The following CACNA2D3 variants were observed in gnomAD, a reference collection of about 807,000 sequenced individuals.
CACNA2D3 encodes the protein voltage-dependent calcium channel subunit alpha-2/delta-3.
A neutral mutation model predicts 160.6 loss-of-function variants in CACNA2D3; 60 were observed. The observed-to-expected ratio is 0.37, with a 90% CI of 0.30 to 0.46. The LOEUF is 0.46. CACNA2D3 is among the 20% of genes least tolerant of loss of function. CACNA2D3 has a pLI of 1.00. For missense variants in CACNA2D3, 1,205 were observed against 1,365.0 expected (o/e 0.88, Z 1.85); for synonymous variants, 558 against 492.9 (o/e 1.13, Z -1.75).
intron 3 of CACNA2D3, among the ~76,000 whole-genome samples, chr3:54,366,454 T>G (rs1398358742): frequency 6.6e-6 from 1 of 152,246 alleles, no homozygotes; most frequent in Non-Finnish European, 1.5e-5. Context: ...GAAAATAGTT[T>G]GCTCTGAAAC....
intron 2 of CACNA2D3, among the ~76,000 whole-genome samples, chr3:54,196,447 T>C (rs1349419635): frequency 6.6e-6 from 1 of 152,170 alleles, no homozygotes; most frequent in Non-Finnish European, 1.5e-5. Flanking sequence ...AAGTTAAAAC[T>C]TGAGTCTGGA....
intron 27 of CACNA2D3, among the ~76,000 whole-genome samples, chr3:54,900,503 A>C (rs1197756793): frequency 6.6e-6 from 1 of 152,158 alleles, no homozygotes; most frequent in East Asian, 1.9e-4. Context: ...ATTTGGCCTA[A>C]AGGGCTGGCA....
chr3:54,743,577 C>T (rs1275045595), intron 11 of CACNA2D3, among the ~76,000 whole-genome samples: 1 of 152,212 alleles, frequency 6.6e-6, no homozygotes, highest in African/African-American at 2.4e-5. Flanking sequence ...ATAACCATTG[C>T]CATCCCAATT....
At chr3:54,802,632 A>C (rs968844040) in intron 13 of CACNA2D3, among the ~76,000 whole-genome samples, 1 of 152,186 alleles carries the variant, frequency 6.6e-6, no homozygotes, top group Admixed American at 6.5e-5. Context: ...GGGGCAGGGC[A>C]CAGACAAACA....
intron 9 of CACNA2D3, chr3:54,626,342 G>T: frequency 6.4e-7 from 1 of 1,555,984 alleles, no homozygotes; most frequent in Non-Finnish European, 8.7e-7. Context: ...CAGCAGCGGC[G>T]GCTGAACCGG....
intron 5 of CACNA2D3, among the ~76,000 whole-genome samples, chr3:54,520,490 A>G (rs1024717059): frequency 2.0e-5 from 3 of 152,224 alleles, no homozygotes; most frequent in African/African-American, 7.2e-5. Flanking sequence ...TTTTAGCTGT[A>G]GAGAGACAAC....
At chr3:54,712,918 C>T (rs1700979879) in intron 11 of CACNA2D3, among the ~76,000 whole-genome samples, 1 of 152,184 alleles carries the variant, frequency 6.6e-6, no homozygotes, top group African/African-American at 2.4e-5. Flanking sequence ...AATCTTAATT[C>T]CATCTGCAAC....
chr3:54,561,979 C>G (rs1440919895), intron 5 of CACNA2D3, among the ~76,000 whole-genome samples: 1 of 152,178 alleles, frequency 6.6e-6, no homozygotes, highest in South Asian at 2.1e-4. Flanking sequence ...TATAAAAAGT[C>G]TCAGGTCTCG....
intron 9 of CACNA2D3, among the ~76,000 whole-genome samples, chr3:54,590,890 G>T (rs7649455): frequency 6.6e-6 from 1 of 152,122 alleles, no homozygotes; most frequent in South Asian, 2.1e-4. Context: ...ATGCATGTTA[G>T]GTTGCTTTAG....
At chr3:54,229,469 A>T (rs1701731699) in intron 2 of CACNA2D3, among the ~76,000 whole-genome samples, 1 of 152,182 alleles carries the variant, frequency 6.6e-6, no homozygotes, top group Admixed American at 6.5e-5. Context: ...CTGGGATTAC[A>T]GGCGTGAGCC....
chr3:54,514,816 C>T (rs909376849), intron 5 of CACNA2D3, among the ~76,000 whole-genome samples: 2 of 152,102 alleles, frequency 1.3e-5, no homozygotes, highest in African/African-American at 2.4e-5. Flanking sequence ...AGAGAACACA[C>T]CACACAAGCT....
At chr3:54,281,288 G>A (rs574868342) in intron 2 of CACNA2D3, among the ~76,000 whole-genome samples, 1 of 152,198 alleles carries the variant, frequency 6.6e-6, no homozygotes, top group Non-Finnish European at 1.5e-5. Context: ...GCACAGGAAG[G>A]CATCACTATA....
At chr3:54,857,700 A>C (rs2106794413) in intron 17 of CACNA2D3, among the ~76,000 whole-genome samples, 1 of 152,322 alleles carries the variant, frequency 6.6e-6, no homozygotes, top group African/African-American at 2.4e-5. Context: ...AGAGAATTCA[A>C]GCCAAGACAC....
chr3:54,993,420 G>A (rs1193843230), intron 31 of CACNA2D3, among the ~76,000 whole-genome samples: 1 of 152,288 alleles, frequency 6.6e-6, no homozygotes, highest in African/African-American at 2.4e-5. Flanking sequence ...TGAGTTCTGC[G>A]GAGCTGGGCA....
At chr3:54,705,638 G>T (rs1201047097) in intron 11 of CACNA2D3, among the ~76,000 whole-genome samples, 2 of 152,202 alleles carry the variant, frequency 1.3e-5, no homozygotes, top group Non-Finnish European at 2.9e-5. Flanking sequence ...GGATTGTAGA[G>T]TTATTTAATT....
chr3:54,899,909 G>A lies in CACNA2D3; in HGVS notation c.2449+41G>A, dbSNP rs1700287143. The A allele has an allele frequency of 4.2e-6, 6 of 1,442,208 alleles. No homozygotes were observed. The East Asian group carries it at 1.4e-4, about 34-fold the overall frequency. The allele number at this position is 1,442,208 out of a possible 1,614,324, so 89.3% of individuals were successfully genotyped here. On this transcript the variant is annotated intron_variant, in intron 27 of 37. Transcript: ENST00000474759. ...AATCCATGAAGACAAAGTAAGCATG[G>A]CGCCCATTCATCCGGCCAGTGGGCT... is the stretch of plus-strand genomic sequence containing the variant.
At position 54,684,519 on chromosome 3, in the gene CACNA2D3, G is replaced by C. The variant is rs899444898; in HGVS notation, c.1167+42278G>C. On this transcript the variant is annotated intron_variant, in intron 11 of 37. Coordinates refer to ENST00000474759, the MANE Select transcript of CACNA2D3 (RefSeq NM_018398.3). ...TCATCTGAAGTTACCTGTTTTGCCAGCTGCTGTGTCTTCTCCTGAGTGGAC... is the reference window on the plus strand; with the variant it reads ...TCATCTGAAGTTACCTGTTTTGCCACCTGCTGTGTCTTCTCCTGAGTGGAC... Among the ~76,000 whole-genome samples, 8 of 152,196 alleles carry C rather than the reference G, an allele frequency of 5.3e-5. No homozygotes were observed. In the South Asian group the frequency reaches 8.3e-4, roughly 16 times the overall value.
chr3:54,386,243 G>C (rs907737035), intron 3 of CACNA2D3, among the ~76,000 whole-genome samples: 1 of 152,166 alleles, frequency 6.6e-6, no homozygotes, highest in Non-Finnish European at 1.5e-5. Flanking sequence ...TTAGAACTGG[G>C]TACAGAAAGA....
intron 25 of CACNA2D3, among the ~76,000 whole-genome samples, chr3:54,893,206 G>T (rs982539161): frequency 1.3e-5 from 2 of 152,146 alleles, no homozygotes; most frequent in African/African-American, 2.4e-5. Flanking sequence ...AACCCGGGAG[G>T]TGAAGGCTGT....
Sources: gnomAD v4.1 joint callset for allele counts (sites outside exome capture counted in the v4.1 genomes callset) on GRCh38, gnomAD v4.1.1 for gene constraint, MANE v1.5 for transcripts, NCBI Gene and HGNC (gene_info 2026-07-23, HGNC 2026-07-21) for gene names.